CEP152: variants seen among roughly 807,000 people sequenced by gnomAD.
CEP152 encodes the protein centrosomal protein 152.
In CEP152, 132 loss-of-function variants were observed where a neutral mutation model predicts 188.9. That is an observed-to-expected ratio of 0.70 (90% CI 0.61 to 0.81). The LOEUF (loss-of-function observed/expected upper bound fraction) is 0.81. Among genes scored for constraint, CEP152 ranks in the 30% least tolerant of loss-of-function variants. The pLI is 0.00. For missense variants in CEP152, 1,914 were observed against 1,969.8 expected (o/e 0.97, Z 0.54); for synonymous variants, 649 against 666.6 (o/e 0.97, Z 0.41).
chr15:48,741,471 T>G lies in CEP152; in HGVS notation c.4093+130A>C, dbSNP rs556948246. 2.8e-5 allele frequency: 44 copies of G among 1,560,160 alleles called. No homozygotes were observed. In the East Asian group the frequency reaches 9.8e-4, roughly 35 times the overall value. On this transcript the variant is annotated intron_variant, in intron 26 of 26. Transcript: ENST00000380950. ...ACTCTTTTTGCGTAAACTTCTAGTT[T>G]AAGTAAAACATACAAAACTTCACAA...
intron 26 of CEP152, 88 bp from the exon 27 acceptor site, chr15:48,739,376 A>C: frequency 4.2e-6 from 6 of 1,440,108 alleles, no homozygotes; most frequent in Non-Finnish European, 5.4e-6. Context: ...AAAAAAATTA[A>C]AAATAAGAAA....
intron 9 of CEP152, among the ~76,000 whole-genome samples, chr15:48,786,589 T>C (rs1167337370): frequency 6.6e-6 from 1 of 152,196 alleles, no homozygotes; most frequent in Non-Finnish European, 1.5e-5. Context: ...GATGCCGAGG[T>C]CTGGGCTTCT....
At chr15:48,781,429 A>C (rs563247052) in intron 11 of CEP152, 70 bp from the exon 12 acceptor site, 128 of 1,360,522 alleles carry the variant, frequency 9.4e-5, no homozygotes, top group Non-Finnish European at 1.3e-4. Context: ...ATTCTGTTTC[A>C]AAATTTGTTT....
In CEP152 at chr15:48,781,219, G is replaced by A. The variant is rs767562394; in HGVS notation, c.1554C>T (p.Asn518=). The A allele has an allele frequency of 8.7e-6, 14 of 1,613,272 alleles. No homozygotes were observed. Among genetic ancestry groups the A allele is most frequent in the Non-Finnish European group, 1.2e-5 (14 of 1,179,670 alleles). The change falls in exon 12 of 27, where the codon AAC becomes AAT. Residue 518 remains asparagine, a synonymous_variant. Coordinates refer to ENST00000380950, the MANE Select transcript of CEP152 (RefSeq NM_001194998.2). ...SYVDLGIKKV[N]WKKSKVTSIV... ...ACCTGGTAACTTTGGATTTTTTCCAGTTGACCTTTTTAATACCCAAATCCA... is the reference window on the plus strand; with the variant it reads ...ACCTGGTAACTTTGGATTTTTTCCAATTGACCTTTTTAATACCCAAATCCA...
chr15:48,736,592 T>C (rs1213668406), downstream of CEP152, among the ~76,000 whole-genome samples: 2 of 152,196 alleles, frequency 1.3e-5, no homozygotes, highest in Non-Finnish European at 2.9e-5. Flanking sequence ...TACCTTCATA[T>C]TTATCATAAT....
chr15:48,774,838 C>G (rs559569910), intron 12 of CEP152, among the ~76,000 whole-genome samples: 1 of 151,922 alleles, frequency 6.6e-6, no homozygotes, highest in Non-Finnish European at 1.5e-5. Context: ...GGAACTGTCA[C>G]TAAAAGAGTT....
chr15:48,746,388 A>G (rs1052995362), intron 22 of CEP152, among the ~76,000 whole-genome samples: 5 of 152,158 alleles, frequency 3.3e-5, no homozygotes, highest in African/African-American at 1.2e-4. Context: ...CATATTCTGT[A>G]AAACAAATTG....
At chr15:48,767,274 T>C in intron 16 of CEP152, 61 bp downstream of exon 16, 1 of 1,613,936 alleles carries the variant, frequency 6.2e-7, no homozygotes, top group South Asian at 1.1e-5. Context: ...TTCCTCTAAA[T>C]TATGGAATAG....
chr15:48,787,163 G>GTTTTTTGTTTTTT (rs71120640), intron 9 of CEP152, among the ~76,000 whole-genome samples: 2 of 101,500 alleles, frequency 2.0e-5, no homozygotes, highest in Non-Finnish European at 3.7e-5. Flanking sequence ...TATAGCCTTC[G>GTTTTTTGTTTTTT]TTTTTTTTTT....
intron 21 of CEP152, among the ~76,000 whole-genome samples, chr15:48,751,941 C>G (rs1893904086): frequency 6.6e-6 from 1 of 152,306 alleles, no homozygotes; most frequent in Non-Finnish European, 1.5e-5. Flanking sequence ...CTCAGAAAAA[C>G]TCACAAATCA....
chr15:48,805,707 C>A, intron 1 of CEP152, 51 bp from the exon 2 acceptor site: 1 of 1,610,394 alleles, frequency 6.2e-7, no homozygotes, highest in Non-Finnish European at 8.5e-7. Flanking sequence ...AAAATCTCCC[C>A]AGGACAAACT....
intron 21 of CEP152, among the ~76,000 whole-genome samples, chr15:48,752,059 G>A (rs941655217): frequency 1.3e-5 from 2 of 152,136 alleles, no homozygotes; most frequent in Admixed American, 1.3e-4. Context: ...ATTCTCTGAT[G>A]TGAAACCCTT....
At chr15:48,788,441 C>A (rs909764629) in intron 9 of CEP152, among the ~76,000 whole-genome samples, 1 of 149,108 alleles carries the variant, frequency 6.7e-6, no homozygotes, top group Admixed American at 6.8e-5. Context: ...TCAAGCAATT[C>A]TCCTGCCTCA....
chr15:48,783,814 G>GTA, intron 10 of CEP152, 159 bp downstream of exon 10: 1 of 330,124 alleles, frequency 3.0e-6, no homozygotes, highest in Non-Finnish European at 5.3e-6. Context: ...TATGCCTTCT[G>GTA]TATATATATA....
intron 2 of CEP152, among the ~76,000 whole-genome samples, chr15:48,803,693 T>C (rs545444696): frequency 3.9e-5 from 6 of 152,218 alleles, no homozygotes; most frequent in Admixed American, 6.5e-5. Flanking sequence ...TGATCCCAAA[T>C]AGCTGTTTTC....
chr15:48,767,109 T>C lies in CEP152; in HGVS notation c.2231A>G (p.Glu744Gly). 6.2e-7 allele frequency: 1 copy of C among 1,613,588 alleles called. No homozygotes were observed. Among genetic ancestry groups the C allele is most frequent in the Non-Finnish European group, 8.5e-7 (1 of 1,179,996 alleles). ...LEVCREKDNL[E>G]LTLRKTTEKE... is the part of the protein sequence containing the mutation. ...TTCAGTGGTCTTCCTGAGAGTCAAT[T>C]CTAGATTATCCTTCTCTCTGCACAC... Residue 744 changes from glutamate (E) to glycine (G), a missense_variant, in exon 17 of 27, where the codon GAA (glutamate) becomes GGA (glycine). Coordinates refer to ENST00000380950, the MANE Select transcript of CEP152 (RefSeq NM_001194998.2).
intron 17 of CEP152, among the ~76,000 whole-genome samples, chr15:48,766,453 A>G (rs534554494): frequency 1.3e-5 from 2 of 152,302 alleles, no homozygotes; most frequent in South Asian, 2.1e-4. Context: ...TTACTCCTGG[A>G]CACTCACCAA....
At chr15:48,787,022 G>C (rs2140866530) in intron 9 of CEP152, among the ~76,000 whole-genome samples, 1 of 152,156 alleles carries the variant, frequency 6.6e-6, no homozygotes, top group Non-Finnish European at 1.5e-5. Context: ...TACTGTCCAA[G>C]TCCAACTAAC....
intron 19 of CEP152, among the ~76,000 whole-genome samples, chr15:48,757,353 T>C (rs1021193978): frequency 1.3e-5 from 2 of 152,200 alleles, no homozygotes; most frequent in South Asian, 4.1e-4. Context: ...GATAGCATCC[T>C]TTAGGATTAA....
Sources: gnomAD v4.1 joint callset for allele counts (sites outside exome capture counted in the v4.1 genomes callset) on GRCh38, gnomAD v4.1.1 for gene constraint, MANE v1.5 for transcripts, NCBI Gene and HGNC (gene_info 2026-07-23, HGNC 2026-07-21) for gene names.